Variants in CTNNA2 observed in about 807,000 individuals in gnomAD.
The protein encoded by CTNNA2 is catenin alpha 2.
Under a neutral mutation model 101.0 loss-of-function variants are expected in CTNNA2, and 42 were observed. The ratio of observed to expected loss-of-function variants is 0.42; its 90% CI spans 0.32 to 0.54. CTNNA2 has a LOEUF of 0.54. Ranked by LOEUF, CTNNA2 falls within the 20% of genes least tolerant of loss-of-function variation. CTNNA2 has a pLI of 0.14. For synonymous variants in CTNNA2, 450 were observed against 456.4 expected (o/e 0.99, Z 0.18); for missense variants, 871 against 1,223.1 (o/e 0.71, Z 4.29).
intron 17 of CTNNA2, among the ~76,000 whole-genome samples, chr2:80,614,633 G>A (rs982619435): frequency 1.3e-5 from 2 of 151,220 alleles, no homozygotes; most frequent in Non-Finnish European, 3.0e-5. Flanking sequence ...TTGACTACTT[G>A]TTCATATATG....
intron 3 of CTNNA2, among the ~76,000 whole-genome samples, chr2:79,371,015 T>C (rs1677857689): frequency 1.3e-5 from 2 of 152,078 alleles, no homozygotes; most frequent in Admixed American, 1.3e-4. Flanking sequence ...CTGATCAGCT[T>C]TTCTGTGTCC....
intron 14 of CTNNA2, 129 bp downstream of exon 14, chr2:80,581,948 C>A: frequency 1.6e-6 from 1 of 611,766 alleles, no homozygotes; most frequent in Admixed American, 2.6e-5. Flanking sequence ...GTGCTCTCAT[C>A]TGAGGTTGTT....
intron 6 of CTNNA2, among the ~76,000 whole-genome samples, chr2:79,880,601 G>A (rs1400849766): frequency 2.0e-5 from 3 of 152,148 alleles, no homozygotes; most frequent in African/African-American, 7.2e-5. Flanking sequence ...TAGTTGATTT[G>A]CATAGAGGTG....
At chr2:80,161,777 C>T (rs1324841222) in intron 7 of CTNNA2, among the ~76,000 whole-genome samples, 3 of 152,126 alleles carry the variant, frequency 2.0e-5, no homozygotes, top group Non-Finnish European at 2.9e-5. Context: ...CTGTATTTTT[C>T]ATGTAAAAAT....
chr2:79,999,361 C>G (rs1180660210), intron 7 of CTNNA2, among the ~76,000 whole-genome samples: 2 of 152,218 alleles, frequency 1.3e-5, no homozygotes, highest in Admixed American at 1.3e-4. Context: ...TACAAAGCAA[C>G]TGGTTATCTC....
At chr2:79,309,861 T>A (rs1676326507) in intron 2 of CTNNA2, among the ~76,000 whole-genome samples, 1 of 152,188 alleles carries the variant, frequency 6.6e-6, no homozygotes, top group Non-Finnish European at 1.5e-5. Context: ...ACAAATCTGG[T>A]ACATTTCTCC....
At chr2:80,171,708 A>G (rs1445109020) in intron 7 of CTNNA2, among the ~76,000 whole-genome samples, 14 of 152,174 alleles carry the variant, frequency 9.2e-5, no homozygotes, top group Admixed American at 9.2e-4. Flanking sequence ...CCTTAAGGAC[A>G]TGATGCTGAA....
intron 3 of CTNNA2, among the ~76,000 whole-genome samples, chr2:79,768,282 G>C (rs6738250): frequency 0.46 from 68,929 of 150,836 alleles, 19,218 homozygotes; most frequent in African/African-American, 0.76. Flanking sequence ...TGATCCAGGA[G>C]TTTTCTGTGC....
chr2:79,532,077 G>A (rs1672781767), intron 1 of CTNNA2, among the ~76,000 whole-genome samples: 1 of 152,108 alleles, frequency 6.6e-6, no homozygotes, highest in Non-Finnish European at 1.5e-5. Flanking sequence ...CGCTGGTTTG[G>A]TAAATGACTT....
chr2:80,182,974 G>A (rs1413040934), intron 7 of CTNNA2, among the ~76,000 whole-genome samples: 2 of 152,220 alleles, frequency 1.3e-5, no homozygotes, highest in African/African-American at 4.8e-5. Context: ...TATTCAAAGG[G>A]AGAAGGAGCA....
chr2:79,572,386 G>T (rs1675514617), intron 1 of CTNNA2, among the ~76,000 whole-genome samples: 1 of 152,126 alleles, frequency 6.6e-6, no homozygotes, highest in African/African-American at 2.4e-5. Context: ...ACCTGGACTT[G>T]GAATAAAGGT....
chr2:79,728,767 G>C (rs1687019858), intron 2 of CTNNA2, among the ~76,000 whole-genome samples: 2 of 152,154 alleles, frequency 1.3e-5, no homozygotes, highest in South Asian at 2.1e-4. Flanking sequence ...GTGTAAGGAA[G>C]GGATCCAGTT....
intron 7 of CTNNA2, among the ~76,000 whole-genome samples, chr2:80,353,195 ATT>A (rs1424600027): frequency 1.3e-5 from 2 of 152,048 alleles, no homozygotes; most frequent in Non-Finnish European, 2.9e-5. Context: ...TAGATTCTCC[ATT>A]TAGATTATCA....
chr2:79,480,499 C>A (rs932312224), intron 4 of CTNNA2, among the ~76,000 whole-genome samples: 5 of 152,114 alleles, frequency 3.3e-5, no homozygotes, highest in African/African-American at 7.2e-5. Context: ...ATTATTGGTT[C>A]TATTATATTA....
intron 16 of CTNNA2, among the ~76,000 whole-genome samples, chr2:80,604,665 C>T (rs1230365274): frequency 6.6e-6 from 1 of 151,874 alleles, no homozygotes; most frequent in Non-Finnish European, 1.5e-5. Context: ...CTGTTGCCCC[C>T]AGGAAATTTA....
chr2:80,385,438 T>G (rs1439442202), intron 7 of CTNNA2, among the ~76,000 whole-genome samples: 1 of 152,210 alleles, frequency 6.6e-6, no homozygotes, highest in African/African-American at 2.4e-5. Flanking sequence ...CACAGAGGTC[T>G]GCCAATGCTT....
chr2:79,385,730 G>A (rs762924269), intron 4 of CTNNA2, among the ~76,000 whole-genome samples: 8 of 151,666 alleles, frequency 5.3e-5, no homozygotes, highest in Admixed American at 2.0e-4. Flanking sequence ...TCCCCTTCCC[G>A]TGTCCATGTG....
chr2:80,525,793 A>G (rs1403267420), intron 9 of CTNNA2, among the ~76,000 whole-genome samples: 2 of 152,082 alleles, frequency 1.3e-5, no homozygotes, highest in East Asian at 3.9e-4. Context: ...CATGATCTGT[A>G]AGGATAATGA....
chr2:79,294,938 A>G (rs1675940352), intron 2 of CTNNA2, among the ~76,000 whole-genome samples: 1 of 152,024 alleles, frequency 6.6e-6, no homozygotes, highest in African/African-American at 2.4e-5. Context: ...TTGCTATTGT[A>G]TACAATGTCT....
Sources: allele counts gnomAD v4.1 joint callset (sites outside exome capture counted in the v4.1 genomes callset), GRCh38; gene constraint gnomAD v4.1.1; transcripts MANE v1.5; gene names NCBI Gene and HGNC (gene_info 2026-07-23, HGNC 2026-07-21).